The following SLC4A10 variants were observed in gnomAD, a reference collection of about 807,000 sequenced individuals.
SLC4A10 encodes sodium-driven chloride bicarbonate exchanger.
A neutral mutation model predicts 137.7 loss-of-function variants in SLC4A10; 42 were observed. The observed-to-expected ratio is 0.30, with a 90% CI of 0.24 to 0.39. The LOEUF (loss-of-function observed/expected upper bound fraction) is 0.39, where lower values mean the gene tolerates loss of function less well. SLC4A10 is among the 10% of genes least tolerant of loss of function. The pLI, the probability that SLC4A10 is intolerant of heterozygous loss-of-function variation, is 1.00. For missense variants in SLC4A10, 925 were observed against 1,355.0 expected (o/e 0.68, Z 4.98); for synonymous variants, 474 against 464.1 (o/e 1.02, Z -0.27).
chr2:161,913,498 AT>A (rs1252652832), intron 15 of SLC4A10, among the ~76,000 whole-genome samples: 2 of 152,198 alleles, frequency 1.3e-5, no homozygotes, highest in African/African-American at 4.8e-5. Context: ...CTATGTTGCA[AT>A]TTCAGTTTCT....
intron 15 of SLC4A10, among the ~76,000 whole-genome samples, chr2:161,936,442 G>A (rs1301157633): frequency 1.3e-5 from 2 of 152,006 alleles, no homozygotes; most frequent in South Asian, 4.1e-4. Context: ...GAGGCTTTTG[G>A]TAATTGATTC....
chr2:161,849,773 C>T (rs1176875908), intron 4 of SLC4A10, among the ~76,000 whole-genome samples: 2 of 152,032 alleles, frequency 1.3e-5, no homozygotes, highest in African/African-American at 4.8e-5. Flanking sequence ...GGTGGATTAG[C>T]TTTTTGATGT....
rs1037669795 is a variant in SLC4A10, at chr2:161,824,719, C to T, written c.278-15070C>T. Among the ~76,000 whole-genome samples the T allele has an allele frequency of 2.0e-4, 31 of 152,212 alleles. 1 individual carries two copies. In the Middle Eastern group the frequency reaches 0.01, roughly 50 times the overall value. ...TCAAGACTAGGTTCAACTTTTTTTA[C>T]AACATGGACCCTTCTATAATATGTG... On this transcript the variant is annotated intron_variant, in intron 3 of 26. Transcript: ENST00000446997.
At chr2:161,641,239 T>G (rs2035281015) in intron 1 of SLC4A10, among the ~76,000 whole-genome samples, 2 of 152,192 alleles carry the variant, frequency 1.3e-5, no homozygotes, top group African/African-American at 4.8e-5. Context: ...TCTATTAAGA[T>G]GATTTTTATG....
At chr2:161,927,523 G>A (rs550050675) in intron 15 of SLC4A10, among the ~76,000 whole-genome samples, 1 of 152,272 alleles carries the variant, frequency 6.6e-6, no homozygotes, top group East Asian at 1.9e-4. Context: ...TGACAAATGG[G>A]ATCTAATTAA....
chr2:161,630,978 A>G (rs935517894), intron 1 of SLC4A10, among the ~76,000 whole-genome samples: 1 of 151,830 alleles, frequency 6.6e-6, no homozygotes, highest in African/African-American at 2.4e-5. Context: ...GAGCTTTCAC[A>G]TCTTCCCCTC....
chr2:161,928,330 C>T (rs1049943407), intron 15 of SLC4A10, among the ~76,000 whole-genome samples: 11 of 130,782 alleles, frequency 8.4e-5, no homozygotes, highest in Non-Finnish European at 1.5e-4. Context: ...AATGAGAACA[C>T]ATGGACACAG....
chr2:161,700,626 C>G (rs2043027220), intron 1 of SLC4A10, among the ~76,000 whole-genome samples: 1 of 152,036 alleles, frequency 6.6e-6, no homozygotes, highest in Non-Finnish European at 1.5e-5. Context: ...CTTTAACCTT[C>G]AAAATAGCTT....
At chr2:161,982,016 G>A (rs903378403) in intron 26 of SLC4A10, among the ~76,000 whole-genome samples, 5 of 152,186 alleles carry the variant, frequency 3.3e-5, no homozygotes, top group African/African-American at 1.2e-4. Context: ...ATGTGTCTAA[G>A]TTATTGACCA....
intron 1 of SLC4A10, chr2:161,709,897 T>C (rs2044098452): frequency 6.6e-6 from 1 of 151,730 alleles, no homozygotes; most frequent in East Asian, 1.9e-4. Context: ...AGGTACTCCA[T>C]ATTAAATGAT....
chr2:161,858,674 A>G (rs1287924081), intron 5 of SLC4A10, among the ~76,000 whole-genome samples: 1 of 152,166 alleles, frequency 6.6e-6, no homozygotes, highest in Non-Finnish European at 1.5e-5. Context: ...CTTTGAAATT[A>G]AGCATTATAA....
At chr2:161,940,787 T>A (rs1007763158) in intron 15 of SLC4A10, among the ~76,000 whole-genome samples, 2 of 152,180 alleles carry the variant, frequency 1.3e-5, no homozygotes. Context: ...AGAGCCCTCC[T>A]GGGTCAGAAC....
chr2:161,729,379 T>C (rs1019338513), intron 1 of SLC4A10, among the ~76,000 whole-genome samples: 3 of 152,136 alleles, frequency 2.0e-5, no homozygotes, highest in Admixed American at 2.0e-4. Context: ...GATATCAACA[T>C]ACAAAAAAGT....
chr2:161,847,930 A>G (rs1249384560), intron 4 of SLC4A10, among the ~76,000 whole-genome samples: 2 of 152,150 alleles, frequency 1.3e-5, no homozygotes, highest in Non-Finnish European at 2.9e-5. Context: ...TTCTGTTTTA[A>G]GTTCTTTGAG....
In SLC4A10 at chr2:161,984,614, C is replaced by G. The variant is rs1371684833; in HGVS notation, c.*1462C>G. 3 of 152,114 alleles carry G rather than the reference C, an allele frequency of 2.0e-5. No individual in the cohort carries two copies. The highest frequency in any genetic ancestry group is 6.5e-5 in the Admixed American group (1 of 15,270). The allele number at this position is 152,114 out of a possible 1,614,324, so 9.4% of individuals were successfully genotyped here. A position where few individuals can be genotyped will look rare whatever the true frequency, so the allele number is the denominator to read the frequency against. On this transcript the variant is annotated 3_prime_UTR_variant, in exon 27 of 27. Coordinates refer to ENST00000446997, the MANE Select transcript of SLC4A10 (RefSeq NM_001178015.2). ...AAACTAATGGGAGGAAATAAATCAA[C>G]AAAGTCTCCATTAAGTTCTACATTT...
chr2:161,960,020 A>C (rs958084992), intron 21 of SLC4A10, among the ~76,000 whole-genome samples: 28 of 152,114 alleles, frequency 1.8e-4, no homozygotes, highest in African/African-American at 6.8e-4. Flanking sequence ...AAGACAAGAT[A>C]ATCATGGATT....
At chr2:161,723,987 T>C (rs1050526206) in intron 1 of SLC4A10, among the ~76,000 whole-genome samples, 1 of 152,168 alleles carries the variant, frequency 6.6e-6, no homozygotes, top group Non-Finnish European at 1.5e-5. Context: ...TACACTATAT[T>C]CTCTTCAAAA....
chr2:161,921,993 TA>T (rs920075159), intron 15 of SLC4A10, among the ~76,000 whole-genome samples: 10 of 151,984 alleles, frequency 6.6e-5, no homozygotes, highest in Non-Finnish European at 1.2e-4. Flanking sequence ...GGTGCTTGCT[TA>T]AAAAAAATGA....
At chr2:161,981,971 T>G (rs1374570711) in intron 26 of SLC4A10, among the ~76,000 whole-genome samples, 5 of 152,158 alleles carry the variant, frequency 3.3e-5, no homozygotes, top group East Asian at 1.9e-4. Context: ...TAGCTTGAAT[T>G]GGAGGAAAAA....
Sources: gnomAD v4.1 joint callset for allele counts (sites outside exome capture counted in the v4.1 genomes callset) on GRCh38, gnomAD v4.1.1 for gene constraint, MANE v1.5 for transcripts, NCBI Gene and HGNC (gene_info 2026-07-23, HGNC 2026-07-21) for gene names.